The following CTDSP1 variants were observed in gnomAD, a reference collection of about 807,000 sequenced individuals.
The protein encoded by CTDSP1 is CTD small phosphatase 1.
A neutral mutation model predicts 32.5 loss-of-function variants in CTDSP1; 15 were observed. The observed-to-expected ratio is 0.46, with a 90% confidence interval of 0.31 to 0.71. The LOEUF (loss-of-function observed/expected upper bound fraction) is 0.71. Among genes scored for constraint, CTDSP1 ranks in the 30% least tolerant of loss-of-function variants. CTDSP1 has a pLI of 0.05. For synonymous variants in CTDSP1, 185 were observed against 145.4 expected, an observed-to-expected ratio of 1.27 and a Z score of -1.96; for missense variants, 294 against 351.1, an observed-to-expected ratio of 0.84 and a Z score of 1.30.
intron 4 of CTDSP1, 118 bp from the exon 5 acceptor site, chr2:218,402,917 C>T: frequency 1.3e-6 from 1 of 753,642 alleles, no homozygotes; most frequent in South Asian, 1.5e-5. Flanking sequence ...CAAGCGGAGC[C>T]TGCGGGCCCA....
rs1377024890 is a variant in CTDSP1 at position 218,404,251 on chromosome 2, C to G, written c.658-46C>G. 9 of 1,600,798 alleles carry G rather than the reference C, an allele frequency of 5.6e-6. No individual in the cohort carries two copies. In the Admixed American group the frequency reaches 6.7e-5, roughly 12 times the overall value. ...ATAGGGCTGGCCTGGAAATTCTGCA[C>G]CCAGGACCACCTGCCCCCCTCATCT... is the stretch of plus-strand genomic sequence containing the variant. On this transcript the variant is annotated intron_variant, in intron 6 of 6. Transcript: ENST00000273062.
intron 1 of CTDSP1, chr2:218,401,087 C>T (rs542502058): frequency 5.2e-6 from 2 of 381,182 alleles, no homozygotes; most frequent in Non-Finnish European, 1.1e-5. Context: ...GGCCGCGGGA[C>T]TGCACCCCTG....
intron 4 of CTDSP1, 109 bp downstream of exon 4, chr2:218,402,514 C>CA: frequency 9.0e-7 from 1 of 1,111,420 alleles, no homozygotes; most frequent in Non-Finnish European, 1.4e-6. Context: ...TGTGGAATGT[C>CA]AGAGGCCCAG....
At chr2:218,401,852 GC>G in intron 2 of CTDSP1, 140 bp downstream of exon 2, 1 of 821,942 alleles carries the variant, frequency 1.2e-6, no homozygotes, top group Non-Finnish European at 1.9e-6. Context: ...AGCCTCCCCT[GC>G]CAGGCCCTGC....
At position 218,403,369 on chromosome 2, in the gene CTDSP1, C is replaced by G; in HGVS notation, c.609C>G (p.Leu203=). 2 of 1,612,276 alleles carry G rather than the reference C, an allele frequency of 1.2e-6. No homozygotes were observed. Among genetic ancestry groups the G allele is most frequent in the Non-Finnish European group, 1.7e-6 (2 of 1,179,224 alleles). ...TGGGTCGAGACCTGCGGCGGGTGCT[C>G]ATCCTGGACAATTCACCTGCCTCCT... The part of the protein sequence containing the change: ...SRLGRDLRRV[L]ILDNSPASYV... The change falls in exon 6 of 7, where the codon CTC becomes CTG. Residue 203 remains leucine, a synonymous_variant. Coordinates refer to ENST00000273062, the MANE Select transcript of CTDSP1 (RefSeq NM_021198.3).
intron 4 of CTDSP1, 176 bp downstream of exon 4, chr2:218,402,581 C>T: frequency 1.3e-6 from 1 of 776,930 alleles, no homozygotes; most frequent in Non-Finnish European, 2.3e-6. Context: ...TGTGCTGACT[C>T]CAAGCCTGCA....
chr2:218,405,557 T>C lies in CTDSP1; in HGVS notation c.*1132T>C, dbSNP rs951124039. ...TAGGAGGTGGGACCTTCTGTGGGGT[T>C]TGGGGATCTCCAGGAAGCCCGACCA... On this transcript the variant is annotated 3_prime_UTR_variant, in exon 7 of 7. Transcript: ENST00000273062. 2.0e-5 allele frequency: 3 copies of C among 153,052 alleles called. No homozygotes were observed. Among genetic ancestry groups the C allele is most frequent in the African/African-American group, 7.2e-5 (3 of 41,436 alleles). The allele number at this position is 153,052 out of a possible 1,614,324, so 9.5% of individuals were successfully genotyped here.
rs1697331075 is a variant in CTDSP1, at chr2:218,404,739, G to A, written c.*314G>A. On this transcript the variant is annotated 3_prime_UTR_variant, in exon 7 of 7. Coordinates refer to ENST00000273062, the MANE Select transcript of CTDSP1 (RefSeq NM_021198.3). ...GCCATGTTTCTCTGCTGCCAAATTG[G>A]GCCCCTTGGCCCCTTCCGGTTCTGC... The A allele has an allele frequency of 3.5e-6, 1 of 281,724 alleles. No homozygotes were observed. Among genetic ancestry groups the A allele is most frequent in the African/African-American group, 2.2e-5 (1 of 45,730 alleles). The allele number at this position is 281,724 out of a possible 1,614,324, so 17.5% of individuals were successfully genotyped here.
At chr2:218,402,868 G>T in intron 4 of CTDSP1, 167 bp from the exon 5 acceptor site, 6 of 662,790 alleles carry the variant, frequency 9.1e-6, no homozygotes, top group South Asian at 5.1e-5. Context: ...CTGGCGGGGG[G>T]TGGGTACAGT....
At chr2:218,402,522 C>T (rs1452349698) in intron 4 of CTDSP1, 117 bp downstream of exon 4, 11 of 1,080,658 alleles carry the variant, frequency 1.0e-5, no homozygotes, top group Non-Finnish European at 1.6e-5. Flanking sequence ...GTCAGAGGCC[C>T]AGAGAGGGTG....
upstream of CTDSP1, chr2:218,398,408 G>A: frequency 2.0e-6 from 3 of 1,535,374 alleles, no homozygotes; most frequent in South Asian, 3.6e-5. Context: ...CGGTGATGAA[G>A]CGCAATGGTG....
Position 218,404,472 on chromosome 2 carries a change from C to A in CTDSP1, c.*47C>A, listed in dbSNP as rs765667789. 7 of 1,606,112 alleles carry A rather than the reference C, an allele frequency of 4.4e-6. No individual in the cohort carries two copies. The highest frequency in any genetic ancestry group is 6.0e-6 in the Non-Finnish European group (7 of 1,175,134). ...CTGCCCCTGACCAATGATACCCACA[C>A]CTCCTCCCAGGAAGACTGCCCAGGC... On this transcript the variant is annotated 3_prime_UTR_variant, in exon 7 of 7. Coordinates refer to ENST00000273062, the MANE Select transcript of CTDSP1 (RefSeq NM_021198.3).
At chr2:218,401,787 CTG>C (rs1249669527) in intron 2 of CTDSP1, 75 bp downstream of exon 2, 2 of 1,383,944 alleles carry the variant, frequency 1.4e-6, no homozygotes, top group Non-Finnish European at 1.9e-6. Context: ...GGGCTCCTGA[CTG>C]AGCTTTTCAG....
intron 1 of CTDSP1, 189 bp downstream of exon 1, chr2:218,400,346 C>T (rs1209248590): frequency 1.1e-5 from 8 of 706,292 alleles, no homozygotes; most frequent in Non-Finnish European, 2.0e-5. Flanking sequence ...CGGGGCGGGG[C>T]CTGGCGCCTT....
intron 1 of CTDSP1, chr2:218,401,317 C>T (rs1697124703): frequency 7.1e-6 from 4 of 561,210 alleles, no homozygotes; most frequent in South Asian, 2.1e-5. Flanking sequence ...TTCTCCAGGC[C>T]ACGCACTCCC....
At chr2:218,397,227 C>T (rs962452123), upstream of CTDSP1, among the ~76,000 whole-genome samples, 1 of 152,202 alleles carries the variant, frequency 6.6e-6, no homozygotes. Flanking sequence ...GGGCAAAGGG[C>T]TAGTGATGAG....
Position 218,403,410 on chromosome 2 carries a change from A to T in CTDSP1, c.650A>T (p.Asp217Val), listed in dbSNP as rs1287563239. The change falls in exon 6 of 7, where the codon GAC becomes GTC. Residue 217 changes from aspartate (D) to valine (V), a missense_variant. Asp to Val is a radical substitution (Grantham distance 152). Around this residue, in one of 2 missense-constraint regions of CTDSP1, gnomAD observed 146 missense variants for 237.7 expected, o/e 0.61. Transcript: ENST00000273062. ...CCTGCCTCCTATGTCTTCCATCCAGACAATGCTGTGAGTGCGGGCTGGACT... is the reference window on the plus strand; with the variant it reads ...CCTGCCTCCTATGTCTTCCATCCAGTCAATGCTGTGAGTGCGGGCTGGACT... ...NSPASYVFHPDNAVPVASWFD... is the reference protein window; with the variant it reads ...NSPASYVFHPVNAVPVASWFD... 4 of 1,598,510 alleles carry T rather than the reference A, an allele frequency of 2.5e-6. No homozygotes were observed. The highest frequency in any genetic ancestry group is 1.7e-5 in the Admixed American group (1 of 59,212).
chr2:218,402,448 C>T (rs750219570), intron 4 of CTDSP1, 43 bp downstream of exon 4: 1 of 1,578,000 alleles, frequency 6.3e-7, no homozygotes, highest in South Asian at 1.2e-5. Context: ...GCATCTGCCT[C>T]CAGACCCTAG....
chr2:218,401,683 C>T lies in CTDSP1; in HGVS notation c.187C>T (p.Leu63Phe). Residue 63 changes from leucine (L) to phenylalanine (F), a missense_variant, in exon 2 of 7, where the codon CTT becomes TTT. Transcript: ENST00000273062. ...ALPAHSGAPL[L>F]VEENGAIPKQ... ...GCCTGCTCACAGCGGGGCGCCCCTG[C>T]TTGTGGAGGAGAATGGCGCCATCCC... 2 of 1,599,840 alleles carry T rather than the reference C, an allele frequency of 1.3e-6. No individual in the cohort carries two copies. Among genetic ancestry groups the T allele is most frequent in the African/African-American group, 1.3e-5 (1 of 74,496 alleles).
Sources: allele counts gnomAD v4.1 joint callset (sites outside exome capture counted in the v4.1 genomes callset), GRCh38; gene constraint gnomAD v4.1.1; regional missense constraint gnomAD v4.1.1; transcripts MANE v1.5; gene names NCBI Gene and HGNC (gene_info 2026-07-23, HGNC 2026-07-21).